Variants in PTPRN2 observed in about 807,000 individuals in gnomAD.
The protein encoded by PTPRN2 is protein tyrosine phosphatase receptor type N2.
A neutral mutation model predicts 118.8 loss-of-function variants in PTPRN2; 74 were observed. That is an observed-to-expected ratio of 0.62 (90% CI 0.52 to 0.76). The LOEUF (loss-of-function observed/expected upper bound fraction) is 0.76, where lower values mean the gene tolerates loss of function less well. PTPRN2 is among the 30% of genes least tolerant of loss of function. The pLI, the probability that PTPRN2 is intolerant of heterozygous loss-of-function variation, is 0.00. For synonymous variants in PTPRN2, 641 were observed against 608.0 expected, an observed-to-expected ratio of 1.05 and a Z score of -0.80; for missense variants, 1,481 against 1,394.4, an observed-to-expected ratio of 1.06 and a Z score of -0.99.
chr7:157,984,237 G>A (rs79017554), intron 11 of PTPRN2, among the ~76,000 whole-genome samples: 3 of 140,148 alleles, frequency 2.1e-5, no homozygotes, highest in South Asian at 2.3e-4. Flanking sequence ...ACCGCCCCAC[G>A]CCAGGCTCCA....
rs1796121119 is a variant in PTPRN2, at chr7:157,881,404, T to A, written c.1788+17269A>T. 6.6e-6 allele frequency among the ~76,000 whole-genome samples: 1 copy of A among 152,086 alleles called. No individual in the cohort carries two copies. The highest frequency in any genetic ancestry group is 1.5e-5 in the Non-Finnish European group (1 of 68,014). ...AGGACTTGAGGATGCAGAGACGGCATCTGAAGCCCAGGAGAGAGGCCTTGG... is the reference window on the plus strand; with the variant it reads ...AGGACTTGAGGATGCAGAGACGGCAACTGAAGCCCAGGAGAGAGGCCTTGG... On this transcript the variant is annotated intron_variant, in intron 12 of 22. Coordinates refer to ENST00000389418, the MANE Select transcript of PTPRN2 (RefSeq NM_002847.5). The surrounding 1 kb of genome is among the most constrained non-coding windows in gnomAD (Gnocchi z 4.7).
intron 11 of PTPRN2, among the ~76,000 whole-genome samples, chr7:157,946,364 C>T (rs569548619): frequency 2.6e-5 from 4 of 152,284 alleles, no homozygotes; most frequent in South Asian, 4.1e-4. Flanking sequence ...AGGAAAAATA[C>T]TGTTTATGCA....
chr7:157,572,454 C>T (rs776709907), intron 19 of PTPRN2, among the ~76,000 whole-genome samples: 3 of 152,196 alleles, frequency 2.0e-5, no homozygotes, highest in Admixed American at 6.5e-5. Flanking sequence ...CCAAAGAGTC[C>T]GTGGAAAGTA....
At chr7:158,331,522 C>G (rs1431994905) in intron 2 of PTPRN2, among the ~76,000 whole-genome samples, 2 of 145,376 alleles carry the variant, frequency 1.4e-5, no homozygotes, top group Non-Finnish European at 3.0e-5. Flanking sequence ...AGACATCACT[C>G]ACACCCACAC....
chr7:158,325,426 A>G (rs1207747176), intron 2 of PTPRN2, among the ~76,000 whole-genome samples: 2 of 152,208 alleles, frequency 1.3e-5, no homozygotes, highest in Non-Finnish European at 2.9e-5. Context: ...GGAATTAATG[A>G]ATACAATATG....
At chr7:158,342,785 C>G (rs117686570) in intron 2 of PTPRN2, among the ~76,000 whole-genome samples, 2,929 of 152,262 alleles carry the variant, frequency 0.019, 31 homozygotes, top group Non-Finnish European at 0.032. Context: ...CTGACTGACA[C>G]TTAGCACCCA....
In PTPRN2 at chr7:158,540,691, C is replaced by T. The variant is rs188271747; in HGVS notation, c.112+46867G>A. ...GGGGTGGGGTCGCCCCAGGGCCCAC[C>T]GTGTGTGTCTGCATGGAGGAAGCTC... On this transcript the variant is annotated intron_variant, in intron 1 of 22. Coordinates refer to ENST00000389418, the MANE Select transcript of PTPRN2 (RefSeq NM_002847.5). Among the ~76,000 whole-genome samples, 440 of 152,312 alleles carry T rather than the reference C, an allele frequency of 2.9e-3. 3 individuals carry two copies. The highest frequency in any genetic ancestry group is 5.4e-3 in the Non-Finnish European group (369 of 68,026).
chr7:157,752,926 G>A (rs962701698), intron 12 of PTPRN2, among the ~76,000 whole-genome samples: 6 of 151,328 alleles, frequency 4.0e-5, no homozygotes, highest in Admixed American at 2.0e-4. Context: ...ACATCTGGCA[G>A]CACCCACTCC....
chr7:158,102,344 C>T (rs1051721686), intron 10 of PTPRN2, among the ~76,000 whole-genome samples: 1 of 152,188 alleles, frequency 6.6e-6, no homozygotes, highest in Admixed American at 6.5e-5. Flanking sequence ...TCCAAAGCCA[C>T]CTCTTGTGAC....
intron 5 of PTPRN2, among the ~76,000 whole-genome samples, chr7:158,171,296 T>TATATACACACATATATACAC (rs1563555539): frequency 2.9e-5 from 1 of 34,814 alleles, no homozygotes; most frequent in African/African-American, 1.2e-4. Flanking sequence ...TATACACACA[T>TATATACACACATATATACAC]ATATATACAC....
intron 2 of PTPRN2, among the ~76,000 whole-genome samples, chr7:158,419,709 G>A (rs1586631292): frequency 6.6e-6 from 1 of 152,204 alleles, no homozygotes; most frequent in African/African-American, 2.4e-5. Context: ...AGCACTCGGT[G>A]TGGCCAGCAT....
intron 8 of PTPRN2, 100 bp downstream of exon 8, chr7:158,136,555 A>AC: frequency 8.7e-7 from 1 of 1,153,606 alleles, no homozygotes; most frequent in Non-Finnish European, 1.2e-6. Flanking sequence ...ATTTTCTGGG[A>AC]AAAAAACTTT....
At chr7:158,151,742 C>A (rs1821193707) in intron 6 of PTPRN2, among the ~76,000 whole-genome samples, 1 of 152,148 alleles carries the variant, frequency 6.6e-6, no homozygotes, top group African/African-American at 2.4e-5. Flanking sequence ...GCATTCTTTC[C>A]TTCCTTCCTG....
chr7:157,642,834 A>AAAAAAAAAAAAAAAAAAAAC (rs1804772708), intron 14 of PTPRN2, among the ~76,000 whole-genome samples: 3 of 144,836 alleles, frequency 2.1e-5, no homozygotes, highest in Non-Finnish European at 4.5e-5. Flanking sequence ...AAAAAAAAAA[A>AAAAAAAAAAAAAAAAAAAAC]AAAAAAAAAA....
At chr7:157,679,727 G>A (rs1333470857) in intron 13 of PTPRN2, among the ~76,000 whole-genome samples, 1 of 152,184 alleles carries the variant, frequency 6.6e-6, no homozygotes, top group Non-Finnish European at 1.5e-5. Flanking sequence ...GGGGGGTTCT[G>A]TACAAGCACT....
chr7:158,296,231 G>A (rs181717886), intron 3 of PTPRN2, among the ~76,000 whole-genome samples: 4 of 152,186 alleles, frequency 2.6e-5, no homozygotes, highest in Admixed American at 1.3e-4. Flanking sequence ...AGACCCTAGT[G>A]GGCAAAGACA....
intron 3 of PTPRN2, among the ~76,000 whole-genome samples, chr7:158,311,069 G>A (rs1801687463): frequency 2.0e-5 from 3 of 152,192 alleles, no homozygotes; most frequent in African/African-American, 7.2e-5. Flanking sequence ...AGGATGGGAG[G>A]TAAAACAAGA....
intron 10 of PTPRN2, among the ~76,000 whole-genome samples, chr7:158,092,182 A>G (rs1044596285): frequency 6.6e-6 from 1 of 151,316 alleles, no homozygotes; most frequent in African/African-American, 2.4e-5. Context: ...AGATATATAT[A>G]CACATATACA....
Position 157,964,446 on chromosome 7 carries a change from A to G in PTPRN2, c.1724-65709T>C, listed in dbSNP as rs1345383774. ...CCAGTTTTGTGCTACCAAAAAAAAA[A>G]AAATCACCTGAATGAGTCAAGACAG... On this transcript the variant is annotated intron_variant, in intron 11 of 22. Transcript: ENST00000389418. The surrounding 1 kb of genome is among the most constrained non-coding windows in gnomAD (Gnocchi z 9.0). 2.0e-5 allele frequency among the ~76,000 whole-genome samples: 3 copies of G among 152,192 alleles called. No individual in the cohort carries two copies. Among genetic ancestry groups the G allele is most frequent in the Non-Finnish European group, 4.4e-5 (3 of 68,034 alleles).
Sources: gnomAD v4.1 joint callset for allele counts (sites outside exome capture counted in the v4.1 genomes callset) on GRCh38, gnomAD v4.1.1 for gene constraint, Gnocchi (gnomAD v3.1) non-coding constraint, MANE v1.5 for transcripts, NCBI Gene and HGNC (gene_info 2026-07-23, HGNC 2026-07-21) for gene names.